The following WSB1 variants were observed in gnomAD, a reference collection of about 807,000 sequenced individuals.
The protein encoded by WSB1 is WD repeat and SOCS box containing 1.
In WSB1, 23 loss-of-function variants were observed where a neutral mutation model predicts 50.2. That is an observed-to-expected ratio of 0.46 (90% CI 0.33 to 0.65). WSB1 has a LOEUF of 0.65. WSB1 is among the 30% of genes least tolerant of loss of function. WSB1 has a pLI of 0.02. For missense variants in WSB1, 492 were observed against 522.3 expected, an observed-to-expected ratio of 0.94 and a Z score of 0.56; for synonymous variants, 179 against 172.0, an observed-to-expected ratio of 1.04 and a Z score of -0.32.
In WSB1 at chr17:27,311,633, C is replaced by CTCT; in HGVS notation, c.1106+18_1106+19insCTT. 4.1e-6 allele frequency: 2 copies of CTCT among 490,708 alleles called. No homozygotes were observed. The highest frequency in any genetic ancestry group is 6.2e-5 in the Admixed American group (1 of 16,188). The allele number at this position is 490,708 out of a possible 1,614,324, so 30.4% of individuals were successfully genotyped here. On this transcript the variant is annotated intron_variant, in intron 8 of 8. Coordinates refer to ENST00000262394, the MANE Select transcript of WSB1 (RefSeq NM_015626.10). ...AGCTGCTGGGTAAATATATTTTTCT[C>CTCT]TTTTTTTTTTTTTTTTTTTTTTTTT...
chr17:27,295,816 C>G (rs1277345097), intron 1 of WSB1, among the ~76,000 whole-genome samples: 1 of 150,250 alleles, frequency 6.7e-6, no homozygotes, highest in Admixed American at 6.7e-5. Context: ...ATTTTGAAAA[C>G]TTTGCGGTCC....
chr17:27,306,940 A>T, intron 5 of WSB1, 58 bp downstream of exon 5: 6 of 1,484,790 alleles, frequency 4.0e-6, no homozygotes, highest in Non-Finnish European at 5.6e-6. Flanking sequence ...ATGTGTGCAT[A>T]ATCATTTTAA....
intron 1 of WSB1, among the ~76,000 whole-genome samples, 185 bp downstream of exon 1, chr17:27,294,620 T>C (rs191299932): frequency 1.3e-5 from 2 of 152,110 alleles, no homozygotes; most frequent in Admixed American, 1.3e-4. Context: ...GGCACCGACG[T>C]GGATGCAGCA....
rs192771161 is a variant in WSB1, at chr17:27,298,580, C to T, written c.41-3208C>T. ...TAAAAAATTGTTTTTTTGCCGGGTG[C>T]GGTGGCTCACACCTCTAATCTGAGC... On this transcript the variant is annotated intron_variant, in intron 1 of 8. Transcript: ENST00000262394. 1.5e-4 allele frequency among the ~76,000 whole-genome samples: 23 copies of T among 151,914 alleles called. No homozygotes were observed. The South Asian group carries it at 1.7e-3, about 11-fold the overall frequency.
At position 27,314,830 on chromosome 17, in the gene WSB1, C is replaced by T. The variant is rs1300404183; in HGVS notation, c.*2461C>T. Reference sequence around the variant, plus strand: ...ACAGGCGCTCCCCCACCACGCCCAGCTAATTTTTGTTGTATTTTTAGGACA... The same window carrying T: ...ACAGGCGCTCCCCCACCACGCCCAGTTAATTTTTGTTGTATTTTTAGGACA... On this transcript the variant is annotated 3_prime_UTR_variant, in exon 9 of 9. Transcript: ENST00000262394. 1 of 151,864 alleles carries T rather than the reference C, an allele frequency of 6.6e-6. No homozygotes were observed. Among genetic ancestry groups the T allele is most frequent in the Admixed American group, 6.6e-5 (1 of 15,234 alleles). 9.4% of individuals were successfully genotyped at this position (151,864 alleles called of 1,614,324 possible).
chr17:27,304,355 G>A (rs1436794297), intron 3 of WSB1, among the ~76,000 whole-genome samples: 3 of 151,992 alleles, frequency 2.0e-5, no homozygotes, highest in Non-Finnish European at 4.4e-5. Context: ...GGGATAACTT[G>A]TATCTTTTGA....
intron 1 of WSB1, among the ~76,000 whole-genome samples, 194 bp downstream of exon 1, chr17:27,294,629 C>T (rs183695137): frequency 1.3e-5 from 2 of 152,314 alleles, no homozygotes; most frequent in Non-Finnish European, 2.9e-5. Flanking sequence ...GTGGATGCAG[C>T]ACCTACTGTG....
In WSB1 at chr17:27,294,410, C is replaced by T; in HGVS notation, c.15C>T (p.Pro5=). The part of the protein sequence containing the change: MASF[P]PRVNEKEIVR... Reference sequence around the variant, plus strand: ...GTGCCCCATAGATGGCCAGCTTTCCCCCGAGGGTCAACGAGAAAGAGATCG... The same window carrying T: ...GTGCCCCATAGATGGCCAGCTTTCCTCCGAGGGTCAACGAGAAAGAGATCG... The change falls in exon 1 of 9, where the codon CCC becomes CCT. Residue 5 remains proline (P), a synonymous_variant. Coordinates refer to ENST00000262394, the MANE Select transcript of WSB1 (RefSeq NM_015626.10). 1 of 1,613,860 alleles carries T rather than the reference C, an allele frequency of 6.2e-7. No homozygotes were observed. Among genetic ancestry groups the T allele is most frequent in the East Asian group, 2.2e-5 (1 of 44,856 alleles).
intron 1 of WSB1, among the ~76,000 whole-genome samples, chr17:27,300,234 T>C (rs1456814136): frequency 6.6e-6 from 1 of 151,806 alleles, no homozygotes; most frequent in Admixed American, 6.6e-5. Flanking sequence ...TGAACAGCAA[T>C]AACATAGAAT....
intron 2 of WSB1, 27 bp downstream of exon 2, chr17:27,301,983 G>C (rs761357326): frequency 6.6e-7 from 1 of 1,516,000 alleles, no homozygotes; most frequent in East Asian, 2.4e-5. Flanking sequence ...TCTGTATTTT[G>C]TATCTGTTTG....
chr17:27,294,330 G>A lies in WSB1; in HGVS notation c.-66G>A. On this transcript the variant is annotated 5_prime_UTR_variant, in exon 1 of 9. Transcript: ENST00000262394. The stretch of plus-strand genomic sequence containing the variant: ...CCAACTTGGCGTCACGCCCCTCAGC[G>A]GTCGCCACTCTCTTCTCTGTTGTTG... 1.9e-6 allele frequency: 3 copies of A among 1,591,628 alleles called. No homozygotes were observed. The highest frequency in any genetic ancestry group is 1.7e-5 in the Admixed American group (1 of 58,798).
chr17:27,301,896 CT>C lies in WSB1; in HGVS notation c.151del (p.Trp51GlyfsTer8), dbSNP rs749530534. ...TTTGCTCCAGATGGTTCATACTTTG[CT>C]TGGTCACAAGGACATCGCACAGTAA... Reference protein sequence around the residue: ...VAFAPDGSYFAWSQGHRTVKL... With the variant: ...VAFAPDGSYFXWSQGHRTVKL... On this transcript the variant is annotated frameshift_variant, in exon 2 of 9. Transcript: ENST00000262394. LOFTEE classifies it high-confidence loss of function. The C allele has an allele frequency of 1.2e-6, 2 of 1,613,462 alleles. No homozygotes were observed. The highest frequency in any genetic ancestry group is 2.7e-5 in the African/African-American group (2 of 75,006).
chr17:27,309,639 G>A (rs2017590536), intron 6 of WSB1, among the ~76,000 whole-genome samples: 1 of 151,330 alleles, frequency 6.6e-6, no homozygotes. Context: ...CTGGAGTGCA[G>A]TGGCGCAATC....
At chr17:27,299,148 A>G (rs2017114647) in intron 1 of WSB1, among the ~76,000 whole-genome samples, 1 of 152,246 alleles carries the variant, frequency 6.6e-6, no homozygotes, top group African/African-American at 2.4e-5. Flanking sequence ...AACCTGGAGC[A>G]GCATGCTCTT....
chr17:27,294,867 A>G (rs1411909730), intron 1 of WSB1, among the ~76,000 whole-genome samples: 3 of 152,224 alleles, frequency 2.0e-5, no homozygotes, highest in African/African-American at 7.2e-5. Flanking sequence ...ACTCTTAGAT[A>G]GAAATGAGAT....
chr17:27,306,761 A>G, intron 4 of WSB1, 21 bp from the exon 5 acceptor site: 1 of 1,611,824 alleles, frequency 6.2e-7, no homozygotes, highest in Non-Finnish European at 8.5e-7. Flanking sequence ...GGGTTAATAC[A>G]GATTATTTCT....
intron 1 of WSB1, among the ~76,000 whole-genome samples, chr17:27,299,425 C>T (rs1022767879): frequency 6.6e-6 from 1 of 152,152 alleles, no homozygotes; most frequent in Non-Finnish European, 1.5e-5. Context: ...GCAGGAGGAT[C>T]GCCTGAGCCT....
Position 27,312,883 on chromosome 17 carries a change from A to C in WSB1, c.*514A>C, listed in dbSNP as rs2017741235. ...CCTGTCTCTACTAAAAATACAAAAA[A>C]AAAAAAAATTAGCCAGGCGTGGTGG... On this transcript the variant is annotated 3_prime_UTR_variant, in exon 9 of 9. Coordinates refer to ENST00000262394, the MANE Select transcript of WSB1 (RefSeq NM_015626.10). 6.6e-6 allele frequency: 1 copy of C among 152,612 alleles called. No individual in the cohort carries two copies. Among genetic ancestry groups the C allele is most frequent in the South Asian group, 2.0e-4 (1 of 4,898 alleles). 9.5% of individuals were successfully genotyped at this position (152,612 alleles called of 1,614,324 possible).
Position 27,303,355 on chromosome 17 carries a change from C to G in WSB1, c.210-12C>G, listed in dbSNP as rs1358647514. ...TAATAATACAATTTCCATCTGACTT[C>G]CCCCACTCCAGTCTCTTGCATGGCA... On this transcript the variant is annotated splice_polypyrimidine_tract_variant and intron_variant, in intron 2 of 8. Coordinates refer to ENST00000262394, the MANE Select transcript of WSB1 (RefSeq NM_015626.10). 8 of 1,611,540 alleles carry G rather than the reference C, an allele frequency of 5.0e-6. No individual in the cohort carries two copies. Among genetic ancestry groups the G allele is most frequent in the Non-Finnish European group, 5.9e-6 (7 of 1,178,530 alleles).
Sources: allele counts gnomAD v4.1 joint callset (sites outside exome capture counted in the v4.1 genomes callset), GRCh38; gene constraint gnomAD v4.1.1; transcripts MANE v1.5; gene names NCBI Gene and HGNC (gene_info 2026-07-23, HGNC 2026-07-21).